SRD5A2: variants seen among roughly 807,000 people sequenced by gnomAD.
SRD5A2 encodes the protein 3-oxo-5-alpha-steroid 4-dehydrogenase 2.
A neutral mutation model predicts 27.4 loss-of-function variants in SRD5A2; 30 were observed. That is an observed-to-expected ratio of 1.10 (90% CI 0.82 to 1.49). The LOEUF (loss-of-function observed/expected upper bound fraction) is 1.49, where lower values mean the gene tolerates loss of function less well. Ranked by LOEUF, SRD5A2 falls within the 40% of genes most tolerant of loss-of-function variation. SRD5A2 has a pLI of 0.00. For synonymous variants in SRD5A2, 141 were observed against 133.6 expected, an observed-to-expected ratio of 1.06 and a Z score of -0.38; for missense variants, 348 against 323.4, an observed-to-expected ratio of 1.08 and a Z score of -0.58.
the SRD5A2 span, among the ~76,000 whole-genome samples, chr2:31,618,715 G>T: frequency 3.9e-5 from 6 of 152,140 alleles, no homozygotes; most frequent in African/African-American, 1.4e-4. Flanking sequence ...TTGTTCAAAG[G>T]ATACAAAGTT....
chr2:31,575,754 T>C (rs1451339647), intron 1 of SRD5A2, among the ~76,000 whole-genome samples: 1 of 152,232 alleles, frequency 6.6e-6, no homozygotes, highest in African/African-American at 2.4e-5. Flanking sequence ...GAAATTACAT[T>C]GCCCAAAACC....
At chr2:31,532,922 C>A (rs922328143) in intron 2 of SRD5A2, among the ~76,000 whole-genome samples, 1 of 152,032 alleles carries the variant, frequency 6.6e-6, no homozygotes, top group East Asian at 1.9e-4. Flanking sequence ...AAGTGAGGAA[C>A]CAACCCCCAT....
the SRD5A2 span, among the ~76,000 whole-genome samples, chr2:31,647,680 T>G: frequency 4.6e-5 from 7 of 152,214 alleles, no homozygotes; most frequent in African/African-American, 1.7e-4. Context: ...AGACAAACGC[T>G]GCTGCCAGTT....
the SRD5A2 span, among the ~76,000 whole-genome samples, chr2:31,612,267 C>G: frequency 6.8e-6 from 1 of 147,678 alleles, no homozygotes; most frequent in Admixed American, 6.8e-5. Context: ...GGTGACAGAG[C>G]AAGACTGCGT....
At chr2:31,623,709 C>T in the SRD5A2 span, among the ~76,000 whole-genome samples, 4 of 151,994 alleles carry the variant, frequency 2.6e-5, no homozygotes, top group South Asian at 2.1e-4. Context: ...TTTCAAGATT[C>T]GCCCATTTAG....
the SRD5A2 span, among the ~76,000 whole-genome samples, chr2:31,622,107 T>C: frequency 6.6e-6 from 1 of 152,140 alleles, no homozygotes; most frequent in East Asian, 1.9e-4. Flanking sequence ...TTCTTCCTGA[T>C]GCTCTCCTTC....
At chr2:31,651,847 G>C in the SRD5A2 span, 1 of 152,484 alleles carries the variant, frequency 6.6e-6, no homozygotes, top group Admixed American at 6.5e-5. Flanking sequence ...GGCATCCCAC[G>C]TGATCTCCAT....
chr2:31,529,186 T>C, intron 4 of SRD5A2, 121 bp downstream of exon 4: 1 of 1,371,358 alleles, frequency 7.3e-7, no homozygotes, highest in South Asian at 1.4e-5. Context: ...CAGATTATAG[T>C]ATCAACCTTC....
At position 31,529,561 on chromosome 2, in the gene SRD5A2, TG is replaced by T; in HGVS notation, c.548-105del. ...TACACAAAGGCAGCAAGAACAAATG[TG>T]GGGCTGGAGGCTCCCTCCATAGTCA... On this transcript the variant is annotated intron_variant, in intron 3 of 4. Transcript: ENST00000622030. 4 of 1,466,352 alleles carry T rather than the reference TG, an allele frequency of 2.7e-6. No individual in the cohort carries two copies. In the South Asian group the frequency reaches 5.6e-5, roughly 21 times the overall value. The allele number at this position is 1,466,352 out of a possible 1,614,324, so 90.8% of individuals were successfully genotyped here.
chr2:31,581,642 C>A (rs1488624236), upstream of SRD5A2, among the ~76,000 whole-genome samples: 1 of 152,184 alleles, frequency 6.6e-6, no homozygotes, highest in Non-Finnish European at 1.5e-5. Flanking sequence ...GTCCGCTGAG[C>A]TCGGGTGATC....
the SRD5A2 span, among the ~76,000 whole-genome samples, chr2:31,589,315 T>TA: frequency 4.6e-5 from 7 of 152,122 alleles, no homozygotes; most frequent in Non-Finnish European, 8.8e-5. Flanking sequence ...TGGAGCTCAT[T>TA]CCCAGCTGTT....
At chr2:31,539,492 C>G (rs1666089813) in intron 1 of SRD5A2, among the ~76,000 whole-genome samples, 1 of 152,190 alleles carries the variant, frequency 6.6e-6, no homozygotes, top group Non-Finnish European at 1.5e-5. Context: ...CCTTACCAAG[C>G]TGTTATAGGC....
the SRD5A2 span, among the ~76,000 whole-genome samples, chr2:31,587,561 T>C: frequency 2.6e-5 from 4 of 152,118 alleles, no homozygotes; most frequent in Non-Finnish European, 5.9e-5. Flanking sequence ...TGGAATACTA[T>C]GCAGCCATAA....
At position 31,557,806 on chromosome 2, in the gene SRD5A2, G is replaced by A. The variant is rs28383012; in HGVS notation, c.281+22814C>T. Reference sequence around the variant, plus strand: ...TGTTATTGCTTCTAAAATAGGACCAGCTTCCTTATATTCTCCTGAACAAAA... The same window carrying A: ...TGTTATTGCTTCTAAAATAGGACCAACTTCCTTATATTCTCCTGAACAAAA... On this transcript the variant is annotated intron_variant, in intron 1 of 4. Transcript: ENST00000622030. 1.1e-4 allele frequency among the ~76,000 whole-genome samples: 17 copies of A among 152,262 alleles called. No individual in the cohort carries two copies. In the East Asian group the frequency reaches 3.3e-3, roughly 29 times the overall value.
chr2:31,538,278 C>A (rs1666065372), intron 1 of SRD5A2, among the ~76,000 whole-genome samples: 1 of 152,134 alleles, frequency 6.6e-6, no homozygotes, highest in Non-Finnish European at 1.5e-5. Context: ...CTTCCAATTG[C>A]TTAAGCCAAA....
intron 1 of SRD5A2, among the ~76,000 whole-genome samples, chr2:31,560,074 T>C (rs1173949943): frequency 7.0e-6 from 1 of 142,928 alleles, no homozygotes; most frequent in African/African-American, 2.6e-5. Context: ...CCCCCTTTTT[T>C]TAAAAAGTCA....
At position 31,580,633 on chromosome 2, in the gene SRD5A2, G is replaced by A; in HGVS notation, c.268C>T (p.His90Tyr). The A allele has an allele frequency of 2.5e-6, 4 of 1,572,882 alleles. No homozygotes were observed. Among genetic ancestry groups the A allele is most frequent in the South Asian group, 1.1e-5 (1 of 87,636 alleles). Reference protein sequence around the residue: ...GTVLLGLFCLHYFHRTFVYSL... With the variant: ...GTVLLGLFCLYYFHRTFVYSL... ...GAAAAACGCTACCTGTGGAAGTAATGTAGGCAGAAGAGGCCCAGAAGTACC... is the reference window on the plus strand; with the variant it reads ...GAAAAACGCTACCTGTGGAAGTAATATAGGCAGAAGAGGCCCAGAAGTACC... The change falls in exon 1 of 5, where the codon CAT becomes TAT. Residue 90 changes from histidine to tyrosine, a missense_variant. By Grantham distance (83) the His-to-Tyr change is moderately conservative. Transcript: ENST00000622030.
intron 1 of SRD5A2, among the ~76,000 whole-genome samples, chr2:31,537,400 A>G (rs1240509913): frequency 6.6e-6 from 1 of 151,990 alleles, no homozygotes; most frequent in Non-Finnish European, 1.5e-5. Flanking sequence ...ATGGAAACAA[A>G]TCTTGGTGGG....
intron 1 of SRD5A2, among the ~76,000 whole-genome samples, chr2:31,562,809 A>G (rs1207929693): frequency 1.3e-5 from 2 of 152,090 alleles, no homozygotes; most frequent in Non-Finnish European, 2.9e-5. Context: ...CTGCACATGT[A>G]CCCCCTGAAT....
Sources: gnomAD v4.1 joint callset for allele counts (sites outside exome capture counted in the v4.1 genomes callset) on GRCh38, gnomAD v4.1.1 for gene constraint, MANE v1.5 for transcripts, NCBI Gene and HGNC (gene_info 2026-07-23, HGNC 2026-07-21) for gene names.